STK33: variants seen among roughly 807,000 people sequenced by gnomAD.
STK33 encodes serine/threonine kinase 33, also known as serine/threonine-protein kinase 33.
Under a neutral mutation model 58.0 loss-of-function variants are expected in STK33, and 52 were observed. The observed-to-expected ratio is 0.90, with a 90% confidence interval of 0.72 to 1.13. STK33 has a LOEUF of 1.13. Ranked by LOEUF, STK33 falls within the 50% of genes most tolerant of loss-of-function variation. The pLI is 0.00. For missense variants in STK33, 630 were observed against 604.2 expected, an observed-to-expected ratio of 1.04 and a Z score of -0.45; for synonymous variants, 215 against 200.1, an observed-to-expected ratio of 1.07 and a Z score of -0.63.
intron 1 of STK33, among the ~76,000 whole-genome samples, chr11:8,561,896 CT>C (rs1197895949): frequency 1.3e-5 from 2 of 152,136 alleles, no homozygotes; most frequent in African/African-American, 4.8e-5. Context: ...GGCTATTTTT[CT>C]TTTGTCTCTT....
intron 15 of STK33, among the ~76,000 whole-genome samples, chr11:8,397,082 A>C (rs1442857650): frequency 6.6e-6 from 1 of 152,188 alleles, no homozygotes; most frequent in Non-Finnish European, 1.5e-5. Flanking sequence ...TGCAGACTTA[A>C]ATGTCCCTGT....
the STK33 span, among the ~76,000 whole-genome samples, chr11:8,379,563 A>C: frequency 6.6e-6 from 1 of 152,240 alleles, no homozygotes; most frequent in South Asian, 2.1e-4. Flanking sequence ...ACTAATCAAC[A>C]GGGAAATGCA....
At chr11:8,375,875 A>C in the STK33 span, among the ~76,000 whole-genome samples, 1 of 152,272 alleles carries the variant, frequency 6.6e-6, no homozygotes, top group African/African-American at 2.4e-5. Flanking sequence ...TCTTTCCTTC[A>C]TAAAGGAAAG....
intron 6 of STK33, among the ~76,000 whole-genome samples, chr11:8,470,531 T>C (rs1002726591): frequency 1.3e-5 from 2 of 152,230 alleles, no homozygotes; most frequent in Non-Finnish European, 2.9e-5. Flanking sequence ...ACAAATTTTC[T>C]TTTTCTTTAA....
intron 14 of STK33, among the ~76,000 whole-genome samples, chr11:8,414,694 C>G (rs558709591): frequency 1.3e-5 from 2 of 152,054 alleles, no homozygotes; most frequent in Admixed American, 6.6e-5. Context: ...AGGATCACTA[C>G]GCAATTAATT....
At chr11:8,547,873 GA>G (rs1956047711) in intron 1 of STK33, among the ~76,000 whole-genome samples, 1 of 151,884 alleles carries the variant, frequency 6.6e-6, no homozygotes, top group Non-Finnish European at 1.5e-5. Context: ...GGACATAGAT[GA>G]AGCTGGAAAC....
chr11:8,510,002 T>C (rs1351712119), intron 1 of STK33, among the ~76,000 whole-genome samples: 4 of 152,242 alleles, frequency 2.6e-5, no homozygotes, highest in Non-Finnish European at 4.4e-5. Context: ...TGACTTCCTT[T>C]CCTTTGGGTA....
chr11:8,407,300 T>C (rs1939406181), intron 15 of STK33, among the ~76,000 whole-genome samples: 1 of 152,128 alleles, frequency 6.6e-6, no homozygotes. Flanking sequence ...TATTGGCTAA[T>C]AATTTTCTTG....
the STK33 span, among the ~76,000 whole-genome samples, chr11:8,375,569 C>T: frequency 1.5e-4 from 23 of 152,208 alleles, no homozygotes; most frequent in Non-Finnish European, 2.8e-4. Flanking sequence ...AGAATGTAGG[C>T]AGTTCACACA....
the STK33 span, among the ~76,000 whole-genome samples, chr11:8,359,521 G>A: frequency 1.7e-4 from 26 of 152,348 alleles, no homozygotes; most frequent in African/African-American, 6.3e-4. Context: ...CAGACCCCAT[G>A]TCTTAACAGC....
intron 1 of STK33, among the ~76,000 whole-genome samples, chr11:8,568,484 C>G (rs1047458096): frequency 6.6e-6 from 1 of 152,104 alleles, no homozygotes; most frequent in African/African-American, 2.4e-5. Context: ...TAGAAAGCAT[C>G]AGACATATTG....
chr11:8,591,998 TA>T (rs367966540), intron 1 of STK33, among the ~76,000 whole-genome samples: 19 of 150,180 alleles, frequency 1.3e-4, no homozygotes, highest in South Asian at 4.2e-4. Context: ...ATAATAAAAT[TA>T]AAAAAAAAAT....
chr11:8,354,517 C>CACACACACACACACACACACACA, the STK33 span, among the ~76,000 whole-genome samples: 29 of 146,210 alleles, frequency 2.0e-4, no homozygotes, highest in Non-Finnish European at 3.3e-4. Flanking sequence ...CACACACACA[C>CACACACACACACACACACACACA]CCCTCAGACA....
the STK33 span, among the ~76,000 whole-genome samples, chr11:8,352,159 G>A: frequency 6.6e-6 from 1 of 152,192 alleles, no homozygotes; most frequent in African/African-American, 2.4e-5. Flanking sequence ...CAGTGGTTTG[G>A]GGGAAAAGGA....
intron 1 of STK33, among the ~76,000 whole-genome samples, chr11:8,535,798 G>A (rs189205376): frequency 1.3e-5 from 2 of 152,246 alleles, no homozygotes; most frequent in Admixed American, 6.5e-5. Context: ...CATGTTTATT[G>A]CAGCATTATT....
chr11:8,388,616 C>T (rs950469626), downstream of STK33, among the ~76,000 whole-genome samples: 6 of 152,286 alleles, frequency 3.9e-5, no homozygotes, highest in East Asian at 9.7e-4. Flanking sequence ...GAACACGAAG[C>T]CCAGGAGACG....
chr11:8,452,204 A>G (rs973076637), intron 11 of STK33, among the ~76,000 whole-genome samples: 6 of 151,220 alleles, frequency 4.0e-5, no homozygotes, highest in South Asian at 2.1e-4. Flanking sequence ...CTCCGTTTCG[A>G]AAAAAAAAGC....
intron 11 of STK33, among the ~76,000 whole-genome samples, chr11:8,445,122 T>A (rs1355675007): frequency 6.6e-6 from 1 of 152,222 alleles, no homozygotes; most frequent in Non-Finnish European, 1.5e-5. Context: ...GTTGCATTCC[T>A]AGGTATTTTA....
chr11:8,348,765 G>C, the STK33 span, among the ~76,000 whole-genome samples: 3 of 152,114 alleles, frequency 2.0e-5, no homozygotes, highest in Admixed American at 6.5e-5. Flanking sequence ...CCCTGTTTTG[G>C]AAGTCTGCAC....
Sources: gnomAD v4.1 joint callset for allele counts (sites outside exome capture counted in the v4.1 genomes callset) on GRCh38, gnomAD v4.1.1 for gene constraint, MANE v1.5 for transcripts, NCBI Gene and HGNC (gene_info 2026-07-23, HGNC 2026-07-21) for gene names.